MSRB3: variants seen among roughly 807,000 people sequenced by gnomAD.
MSRB3 encodes the protein methionine-R-sulfoxide reductase B3.
MSRB3 carries 13 observed loss-of-function variants against 21.0 expected under a neutral mutation model. That is an observed-to-expected ratio of 0.62 (90% confidence interval 0.40 to 0.98). The LOEUF (loss-of-function observed/expected upper bound fraction) is 0.98, where lower values mean the gene tolerates loss of function less well. Ranked by LOEUF, MSRB3 falls within the 50% of genes least tolerant of loss-of-function variation. MSRB3 has a pLI of 0.00. For synonymous variants in MSRB3, 87 were observed against 88.6 expected (o/e 0.98, Z 0.10); for missense variants, 199 against 230.3 (o/e 0.86, Z 0.88).
chr12:65,443,670 AT>A (rs1301607528), intron 5 of MSRB3, among the ~76,000 whole-genome samples: 8 of 148,786 alleles, frequency 5.4e-5, no homozygotes, highest in South Asian at 2.1e-4. Flanking sequence ...AGTCATCATC[AT>A]TTTTTTTTTC....
At chr12:65,441,338 G>A (rs1349443285) in intron 5 of MSRB3, among the ~76,000 whole-genome samples, 5 of 151,906 alleles carry the variant, frequency 3.3e-5, no homozygotes, top group African/African-American at 7.2e-5. Context: ...TACCTTCAAT[G>A]AGGTTTCCTG....
At chr12:65,426,104 C>T (rs971212412) in intron 5 of MSRB3, among the ~76,000 whole-genome samples, 7 of 152,090 alleles carry the variant, frequency 4.6e-5, no homozygotes, top group Non-Finnish European at 1.0e-4. Flanking sequence ...GCAATCTGCC[C>T]GCCCGCCTCA....
chr12:65,454,318 TAAATAAATAAATAA>T (rs1882995245), intron 6 of MSRB3: 1 of 151,592 alleles, frequency 6.6e-6, no homozygotes, highest in Admixed American at 6.6e-5. Flanking sequence ...AATAAATAAA[TAAATAAATAAATAA>T]AATGTCAGTT....
At chr12:65,352,520 A>G (rs1167399571) in intron 4 of MSRB3, among the ~76,000 whole-genome samples, 2 of 151,904 alleles carry the variant, frequency 1.3e-5, no homozygotes, top group African/African-American at 4.8e-5. Context: ...GAAGAAGTCA[A>G]ATTGTCCCTG....
chr12:65,419,090 C>G (rs1881136191), intron 5 of MSRB3: 1 of 694,304 alleles, frequency 1.4e-6, no homozygotes, highest in Non-Finnish European at 2.6e-6. Flanking sequence ...GAGTCCAGGT[C>G]AGTCTCCGAG....
intron 5 of MSRB3, among the ~76,000 whole-genome samples, chr12:65,432,377 A>C (rs1369566630): frequency 6.6e-6 from 1 of 152,010 alleles, no homozygotes; most frequent in Non-Finnish European, 1.5e-5. Context: ...GTGGCAAGGA[A>C]AGATGAATGG....
At chr12:65,431,321 A>G (rs1881865675) in intron 5 of MSRB3, among the ~76,000 whole-genome samples, 1 of 152,024 alleles carries the variant, frequency 6.6e-6, no homozygotes, top group Non-Finnish European at 1.5e-5. Flanking sequence ...AATTTTCTTA[A>G]ACTTTTTAAC....
At chr12:65,296,632 C>G (rs1226502136) in intron 1 of MSRB3, among the ~76,000 whole-genome samples, 1 of 152,190 alleles carries the variant, frequency 6.6e-6, no homozygotes, top group Non-Finnish European at 1.5e-5. Flanking sequence ...ACTGCCTAGA[C>G]AGCAATACAG....
intron 6 of MSRB3, among the ~76,000 whole-genome samples, chr12:65,455,055 T>C (rs1220341604): frequency 3.3e-5 from 5 of 152,186 alleles, no homozygotes; most frequent in African/African-American, 1.2e-4. Flanking sequence ...AGGAGCATGA[T>C]CAGGCAGCTG....
At chr12:65,376,936 T>C (rs1275423172) in intron 5 of MSRB3, among the ~76,000 whole-genome samples, 1 of 152,176 alleles carries the variant, frequency 6.6e-6, no homozygotes, top group Non-Finnish European at 1.5e-5. Flanking sequence ...ATACAAGTGC[T>C]CTCCTCCTCC....
intron 5 of MSRB3, among the ~76,000 whole-genome samples, chr12:65,444,606 T>G (rs758827394): frequency 6.6e-6 from 1 of 152,146 alleles, no homozygotes; most frequent in Non-Finnish European, 1.5e-5. Context: ...ATAAACCTCA[T>G]TGTGTTCTTC....
At chr12:65,349,943 G>T (rs995804198) in intron 4 of MSRB3, among the ~76,000 whole-genome samples, 283 of 152,076 alleles carry the variant, frequency 1.9e-3, no homozygotes, top group Non-Finnish European at 2.8e-3. Context: ...TTTGTCTTTT[G>T]TTGCCATTGC....
intron 4 of MSRB3, among the ~76,000 whole-genome samples, chr12:65,351,300 C>T (rs1283873319): frequency 6.7e-6 from 1 of 149,002 alleles, no homozygotes; most frequent in Admixed American, 6.6e-5. Flanking sequence ...ATCTCTGGGA[C>T]ACATTCAAAG....
intron 5 of MSRB3, among the ~76,000 whole-genome samples, chr12:65,384,288 A>G (rs958294924): frequency 6.6e-6 from 1 of 152,214 alleles, no homozygotes; most frequent in Non-Finnish European, 1.5e-5. Flanking sequence ...TTCCCAATTC[A>G]TATGAATTTT....
chr12:65,393,147 C>T (rs1362219877), intron 5 of MSRB3, among the ~76,000 whole-genome samples: 1 of 151,464 alleles, frequency 6.6e-6, no homozygotes, highest in Non-Finnish European at 1.5e-5. Flanking sequence ...AGTATTATCC[C>T]TACTTTCTTT....
intron 4 of MSRB3, among the ~76,000 whole-genome samples, chr12:65,339,922 A>G (rs1565841971): frequency 6.6e-6 from 1 of 152,130 alleles, no homozygotes; most frequent in Non-Finnish European, 1.5e-5. Context: ...GATAGGATGA[A>G]CCCTCTCTGG....
At chr12:65,431,776 T>A (rs2136664498) in intron 5 of MSRB3, among the ~76,000 whole-genome samples, 1 of 152,246 alleles carries the variant, frequency 6.6e-6, no homozygotes, top group South Asian at 2.1e-4. Context: ...GAGCTTCATC[T>A]GCATGCACAA....
chr12:65,392,063 C>T lies in MSRB3; in HGVS notation c.292+23037C>T, dbSNP rs563635904. Among the ~76,000 whole-genome samples, 3 of 152,200 alleles carry T rather than the reference C, an allele frequency of 2.0e-5. No individual in the cohort carries two copies. In the South Asian group the frequency reaches 6.2e-4, roughly 32 times the overall value. The stretch of plus-strand genomic sequence containing the variant: ...TAAGCCAAACCCTAACTTTGGTTAC[C>T]AGGTCAAATTGCATTTAGAACAGAT... On this transcript the variant is annotated intron_variant, in intron 5 of 6. Coordinates refer to ENST00000308259, the MANE Select transcript of MSRB3 (RefSeq NM_001031679.3).
intron 6 of MSRB3, among the ~76,000 whole-genome samples, chr12:65,461,375 C>T (rs1405169122): frequency 6.6e-6 from 1 of 152,194 alleles, no homozygotes; most frequent in Non-Finnish European, 1.5e-5. Flanking sequence ...TTGATATTAC[C>T]TAAACCTGCA....
Sources: gnomAD v4.1 joint callset for allele counts (sites outside exome capture counted in the v4.1 genomes callset) on GRCh38, gnomAD v4.1.1 for gene constraint, MANE v1.5 for transcripts, NCBI Gene and HGNC (gene_info 2026-07-23, HGNC 2026-07-21) for gene names.